Variants in RFTN2 observed in about 807,000 individuals in gnomAD.
The protein encoded by RFTN2 is raftlin family member 2.
In RFTN2, 34 loss-of-function variants were observed where a neutral mutation model predicts 52.7. The observed-to-expected ratio is 0.64, with a 90% CI of 0.49 to 0.86. RFTN2 has a LOEUF of 0.86. Ranked by LOEUF, RFTN2 falls within the 40% of genes least tolerant of loss-of-function variation. RFTN2 has a pLI of 0.00. For missense variants in RFTN2, 536 were observed against 600.1 expected (o/e 0.89, Z 1.12); for synonymous variants, 203 against 217.7 (o/e 0.93, Z 0.59).
intron 1 of RFTN2, among the ~76,000 whole-genome samples, chr2:197,657,668 TG>T (rs74775923): frequency 0.19 from 28,445 of 152,104 alleles, 2,783 homozygotes; most frequent in Middle Eastern, 0.27. Context: ...GGGAGAGTGA[TG>T]GTAATGGGGG....
intron 8 of RFTN2, chr2:197,588,008 T>G: frequency 2.1e-6 from 1 of 470,626 alleles, no homozygotes; most frequent in Non-Finnish European, 4.4e-6. Context: ...CTTTTCACAC[T>G]GTCTTACCCA....
intron 7 of RFTN2, among the ~76,000 whole-genome samples, chr2:197,613,132 A>C (rs1158900154): frequency 6.6e-6 from 1 of 152,192 alleles, no homozygotes; most frequent in African/African-American, 2.4e-5. Context: ...AGTGAACTAG[A>C]GTATTTACAT....
chr2:197,641,283 G>A (rs2106246574), intron 3 of RFTN2, among the ~76,000 whole-genome samples: 1 of 152,320 alleles, frequency 6.6e-6, no homozygotes, highest in Non-Finnish European at 1.5e-5. Flanking sequence ...GAGAGTGTGG[G>A]TGTGTGGAGC....
intron 5 of RFTN2, among the ~76,000 whole-genome samples, chr2:197,619,594 C>A (rs2088222896): frequency 6.7e-6 from 1 of 148,748 alleles, no homozygotes; most frequent in Non-Finnish European, 1.5e-5. Flanking sequence ...TACCCAGGGA[C>A]ACAAACACTG....
chr2:197,646,416 T>A (rs941130374), intron 2 of RFTN2, 67 bp downstream of exon 2: 16 of 1,285,396 alleles, frequency 1.2e-5, no homozygotes, highest in Middle Eastern at 2.0e-4. Context: ...TTGATTCAAA[T>A]TTTTTTTTCT....
At chr2:197,616,249 T>C (rs920084669) in intron 6 of RFTN2, among the ~76,000 whole-genome samples, 10 of 84,034 alleles carry the variant, frequency 1.2e-4, no homozygotes, top group African/African-American at 1.6e-4. Flanking sequence ...ATACATGGGG[T>C]TGGGGAGCTG....
intron 5 of RFTN2, among the ~76,000 whole-genome samples, chr2:197,627,323 G>T (rs192475380): frequency 6.6e-6 from 1 of 152,214 alleles, no homozygotes; most frequent in East Asian, 1.9e-4. Flanking sequence ...TGGTACTCTC[G>T]CCATAATATC....
intron 7 of RFTN2, among the ~76,000 whole-genome samples, chr2:197,598,565 A>G: frequency 6.6e-6 from 1 of 152,200 alleles, no homozygotes; most frequent in South Asian, 2.1e-4. Flanking sequence ...GTTCTTTCAC[A>G]CTAACTGTGG....
At chr2:197,644,047 G>A in intron 3 of RFTN2, 111 bp downstream of exon 3, 3 of 726,392 alleles carry the variant, frequency 4.1e-6, no homozygotes, top group Non-Finnish European at 7.4e-6. Context: ...AATTCTGGTA[G>A]AAAAGTTACC....
chr2:197,604,901 C>T (rs1207416679), intron 7 of RFTN2, among the ~76,000 whole-genome samples: 1 of 152,126 alleles, frequency 6.6e-6, no homozygotes, highest in Non-Finnish European at 1.5e-5. Flanking sequence ...GGTGTGACCA[C>T]AGGCATGTGA....
At chr2:197,607,767 C>A (rs1421538661) in intron 7 of RFTN2, among the ~76,000 whole-genome samples, 4 of 151,930 alleles carry the variant, frequency 2.6e-5, no homozygotes, top group African/African-American at 7.3e-5. Flanking sequence ...TGCCTATGAC[C>A]CTGAATTTGT....
intron 8 of RFTN2, among the ~76,000 whole-genome samples, chr2:197,578,290 A>G (rs1220290528): frequency 6.6e-6 from 1 of 152,206 alleles, no homozygotes; most frequent in African/African-American, 2.4e-5. Flanking sequence ...TTAATAGGTA[A>G]ACAGCCACCA....
At chr2:197,640,740 C>T (rs570868941) in intron 3 of RFTN2, among the ~76,000 whole-genome samples, 4 of 152,300 alleles carry the variant, frequency 2.6e-5, no homozygotes, top group South Asian at 4.1e-4. Context: ...TGTTCCTATT[C>T]GGCCATCTTG....
chr2:197,644,260 C>T lies in RFTN2; in HGVS notation c.336G>A (p.Ser112=), dbSNP rs199531161. ...GGCGTCTTTGTCCACTGGGTGCTGC[C>T]GAATTCTTTGGGCTGTAACAGAGGG... ...LLRLKLSPKN[S]AAPSGQRRPR... is the part of the protein sequence containing the mutation. The change falls in exon 3 of 9, where the codon TCG becomes TCA. Residue 112 remains serine, a synonymous_variant. Transcript: ENST00000295049. The T allele has an allele frequency of 1.0e-5, 16 of 1,602,352 alleles. No individual in the cohort carries two copies. The highest frequency in any genetic ancestry group is 1.2e-5 in the Non-Finnish European group (14 of 1,169,360).
intron 7 of RFTN2, among the ~76,000 whole-genome samples, chr2:197,599,978 C>T (rs952803221): frequency 2.0e-5 from 3 of 152,126 alleles, no homozygotes; most frequent in African/African-American, 7.2e-5. Flanking sequence ...CCTGCCTCAT[C>T]GTCCCAAGTA....
chr2:197,646,551 A>G lies in RFTN2; in HGVS notation c.255T>C (p.Pro85=). 3.1e-6 allele frequency: 5 copies of G among 1,614,056 alleles called. No individual in the cohort carries two copies. The highest frequency in any genetic ancestry group is 4.2e-6 in the Non-Finnish European group (5 of 1,179,888). Residue 85 remains proline (P), a synonymous_variant, in exon 2 of 9, where the codon CCT becomes CCC. Transcript: ENST00000295049. ...CAGGTAGGTGTTTTCGCTGCCCCACAGGTTGTATAACAGGATGAATAGCCC... is the reference window on the plus strand; with the variant it reads ...CAGGTAGGTGTTTTCGCTGCCCCACGGGTTGTATAACAGGATGAATAGCCC... ...IVGAIHPVIQ[P]VGQRKHLPAS... is the part of the protein sequence containing the mutation.
chr2:197,601,221 T>C (rs1485751791), intron 7 of RFTN2, among the ~76,000 whole-genome samples: 2 of 152,246 alleles, frequency 1.3e-5, no homozygotes, highest in Non-Finnish European at 2.9e-5. Flanking sequence ...CCTTCTTCTA[T>C]GCATTTCATA....
chr2:197,644,651 T>C (rs2088723082), intron 2 of RFTN2, among the ~76,000 whole-genome samples: 1 of 152,222 alleles, frequency 6.6e-6, no homozygotes, highest in Non-Finnish European at 1.5e-5. Flanking sequence ...TCTTTTCTGA[T>C]CTTTTTTCTT....
At chr2:197,583,710 T>C (rs564724903) in intron 8 of RFTN2, among the ~76,000 whole-genome samples, 1 of 151,900 alleles carries the variant, frequency 6.6e-6, no homozygotes, top group South Asian at 2.1e-4. Flanking sequence ...ACATGTGCCA[T>C]GTTGGTGTGC....
Sources: gnomAD v4.1 joint callset for allele counts (sites outside exome capture counted in the v4.1 genomes callset) on GRCh38, gnomAD v4.1.1 for gene constraint, MANE v1.5 for transcripts, NCBI Gene and HGNC (gene_info 2026-07-23, HGNC 2026-07-21) for gene names.